The following CHD9 variants were observed in gnomAD, a reference collection of about 807,000 sequenced individuals.
CHD9 encodes the protein chromodomain helicase DNA binding protein 9, also known as ATP-dependent chromatin remodeler CHD9.
A neutral mutation model predicts 316.1 loss-of-function variants in CHD9; 77 were observed. The observed-to-expected ratio is 0.24, with a 90% CI of 0.20 to 0.29. The LOEUF (loss-of-function observed/expected upper bound fraction) is 0.29. CHD9 is among the 10% of genes least tolerant of loss of function. CHD9 has a pLI of 1.00. For synonymous variants in CHD9, 1,129 were observed against 1,158.3 expected (o/e 0.97, Z 0.51); for missense variants, 2,763 against 3,438.1 (o/e 0.80, Z 4.91).
At chr16:53,137,618 T>G (rs1256274245) in intron 1 of CHD9, among the ~76,000 whole-genome samples, 1 of 152,242 alleles carries the variant, frequency 6.6e-6, no homozygotes, top group Non-Finnish European at 1.5e-5. Flanking sequence ...AAAAATTTTG[T>G]GCTCTTCTTT....
intron 28 of CHD9, 49 bp downstream of exon 28, chr16:53,291,816 T>A (rs781209951): frequency 2.6e-6 from 3 of 1,150,886 alleles, no homozygotes; most frequent in East Asian, 5.3e-5. Context: ...ATTCACATTC[T>A]AATCATACCA....
chr16:53,147,201 A>C (rs1176373751), intron 1 of CHD9, among the ~76,000 whole-genome samples: 1 of 152,192 alleles, frequency 6.6e-6, no homozygotes, highest in Non-Finnish European at 1.5e-5. Context: ...GGAAATAATG[A>C]CATTTTAGAA....
intron 38 of CHD9, among the ~76,000 whole-genome samples, chr16:53,323,768 G>GT (rs2057413525): frequency 6.6e-6 from 1 of 152,040 alleles, no homozygotes. Context: ...ACAATCTTAT[G>GT]TTTTACAGTA....
At chr16:53,206,204 C>T (rs1466851788) in intron 2 of CHD9, among the ~76,000 whole-genome samples, 1 of 152,026 alleles carries the variant, frequency 6.6e-6, no homozygotes, top group East Asian at 1.9e-4. Flanking sequence ...CCGCCCACCT[C>T]GGCCTCCCAA....
intron 2 of CHD9, among the ~76,000 whole-genome samples, chr16:53,181,457 A>T (rs1156940207): frequency 2.0e-5 from 3 of 152,194 alleles, no homozygotes; most frequent in African/African-American, 7.2e-5. Context: ...TGCTTAAGTA[A>T]TATACTTAAG....
intron 3 of CHD9, among the ~76,000 whole-genome samples, chr16:53,214,378 G>GA (rs1454631504): frequency 6.6e-6 from 1 of 152,010 alleles, no homozygotes; most frequent in African/African-American, 2.4e-5. Context: ...AAAATAATAG[G>GA]AATTTTGAAA....
chr16:53,058,848 G>C (rs1009894365), intron 1 of CHD9, among the ~76,000 whole-genome samples: 1 of 151,446 alleles, frequency 6.6e-6, no homozygotes, highest in Non-Finnish European at 1.5e-5. Flanking sequence ...TGTTTTGTTG[G>C]TTTTTGGTTT....
chr16:53,122,770 G>T (rs570067602), intron 1 of CHD9, among the ~76,000 whole-genome samples: 2 of 151,838 alleles, frequency 1.3e-5, no homozygotes, highest in Non-Finnish European at 2.9e-5. Flanking sequence ...GCAGTGGAGC[G>T]ATCTCCTCTC....
intron 1 of CHD9, among the ~76,000 whole-genome samples, chr16:53,135,301 A>G (rs572039147): frequency 3.9e-5 from 6 of 152,318 alleles, no homozygotes; most frequent in African/African-American, 1.4e-4. Context: ...AAGACATTGC[A>G]GTCGTTGAAG....
At chr16:53,225,354 C>G (rs2047563655) in intron 4 of CHD9, among the ~76,000 whole-genome samples, 1 of 152,100 alleles carries the variant, frequency 6.6e-6, no homozygotes, top group African/African-American at 2.4e-5. Context: ...GGTTGAGATG[C>G]CACTACCCGC....
At chr16:53,239,125 A>C (rs1206283994) in intron 12 of CHD9, among the ~76,000 whole-genome samples, 1 of 151,906 alleles carries the variant, frequency 6.6e-6, no homozygotes, top group African/African-American at 2.4e-5. Context: ...TGATTTCAGT[A>C]CTCTAGTGGT....
intron 8 of CHD9, among the ~76,000 whole-genome samples, chr16:53,230,470 A>C (rs1049344493): frequency 6.6e-6 from 1 of 152,140 alleles, no homozygotes; most frequent in African/African-American, 2.4e-5. Flanking sequence ...TTTTAAAAAA[A>C]GATGATTCTA....
At position 53,267,132 on chromosome 16, in the gene CHD9, A is replaced by G. The variant is rs1442828715; in HGVS notation, c.4321-162A>G. Among the ~76,000 whole-genome samples the G allele has an allele frequency of 3.9e-5, 6 of 152,324 alleles. No homozygotes were observed. The East Asian group carries it at 9.6e-4, about 24-fold the overall frequency. ...GTGTGGTAGTAAGAATTCTAAAGGAATATAAGCAATTCTAAGTTGACTGAA... is the reference window on the plus strand; with the variant it reads ...GTGTGGTAGTAAGAATTCTAAAGGAGTATAAGCAATTCTAAGTTGACTGAA... On this transcript the variant is annotated intron_variant, in intron 20 of 38. Coordinates refer to ENST00000447540, the MANE Select transcript of CHD9 (RefSeq NM_001308319.2).
At chr16:53,061,206 C>G (rs760390860) in intron 1 of CHD9, among the ~76,000 whole-genome samples, 1 of 152,114 alleles carries the variant, frequency 6.6e-6, no homozygotes, top group Non-Finnish European at 1.5e-5. Context: ...GGATTACAGG[C>G]ATGAGCCACC....
At chr16:53,294,420 C>G (rs1044827129) in intron 29 of CHD9, among the ~76,000 whole-genome samples, 2 of 152,194 alleles carry the variant, frequency 1.3e-5, no homozygotes, top group Admixed American at 1.3e-4. Context: ...GCATAACAAA[C>G]TACCCCAAAA....
At chr16:53,063,692 C>T (rs1050743445) in intron 1 of CHD9, among the ~76,000 whole-genome samples, 5 of 151,614 alleles carry the variant, frequency 3.3e-5, no homozygotes, top group South Asian at 2.1e-4. Context: ...CCACCACGCC[C>T]GGCTAATTTT....
At chr16:53,077,322 A>T (rs1398319509) in intron 1 of CHD9, among the ~76,000 whole-genome samples, 3 of 148,084 alleles carry the variant, frequency 2.0e-5, no homozygotes, top group Admixed American at 6.8e-5. Flanking sequence ...TTTATTTTTT[A>T]AATTCATTTT....
Position 53,236,456 on chromosome 16 carries a change from C to T in CHD9, c.2633+1150C>T, listed in dbSNP as rs2048628066. On this transcript the variant is annotated intron_variant, in intron 11 of 38. Transcript: ENST00000447540. ...ATCTAGTCTTCTTAGAGCCTTAGAGCCTTACTTCAATCACTTATCCTTCTC... is the reference window on the plus strand; with the variant it reads ...ATCTAGTCTTCTTAGAGCCTTAGAGTCTTACTTCAATCACTTATCCTTCTC... 2.0e-5 allele frequency among the ~76,000 whole-genome samples: 3 copies of T among 152,046 alleles called. No individual in the cohort carries two copies. The South Asian group carries it at 6.2e-4, about 32-fold the overall frequency.
At chr16:53,190,225 C>T (rs2044371047) in intron 2 of CHD9, among the ~76,000 whole-genome samples, 1 of 152,010 alleles carries the variant, frequency 6.6e-6, no homozygotes, top group Non-Finnish European at 1.5e-5. Context: ...TGGAGACAAA[C>T]CTAATTTCTT....
Sources: allele counts gnomAD v4.1 joint callset (sites outside exome capture counted in the v4.1 genomes callset), GRCh38; gene constraint gnomAD v4.1.1; transcripts MANE v1.5; gene names NCBI Gene and HGNC (gene_info 2026-07-23, HGNC 2026-07-21).